MILR1: variants seen among roughly 807,000 people sequenced by gnomAD.
MILR1 encodes allergin-1.
Under a neutral mutation model 18.5 loss-of-function variants are expected in MILR1, and 31 were observed. The ratio of observed to expected loss-of-function variants is 1.68; its 90% CI spans 1.26 to 2.26. The LOEUF (loss-of-function observed/expected upper bound fraction) is 2.26, where lower values mean the gene tolerates loss of function less well. Among genes scored for constraint, MILR1 ranks in the 30% most tolerant of loss-of-function variants. The pLI is 0.00. For missense variants in MILR1, 257 were observed against 157.4 expected, an observed-to-expected ratio of 1.63 and a Z score of -3.38; for synonymous variants, 85 against 56.2, an observed-to-expected ratio of 1.51 and a Z score of -2.30.
At chr17:64,493,005 A>C in the MILR1 span, 1 of 1,614,170 alleles carries the variant, frequency 6.2e-7, no homozygotes, top group Non-Finnish European at 8.5e-7. Flanking sequence ...GGCAATTAAC[A>C]TAGTGTTCCA....
chr17:64,480,202 A>G, the MILR1 span: 3 of 380,002 alleles, frequency 7.9e-6, no homozygotes, highest in Non-Finnish European at 1.4e-5. Context: ...TTATATATAA[A>G]TTTAGAAGAG....
At chr17:64,472,136 A>G (rs1188177213), downstream of MILR1, among the ~76,000 whole-genome samples, 10 of 152,168 alleles carry the variant, frequency 6.6e-5, no homozygotes, top group African/African-American at 2.4e-4. Flanking sequence ...AAATCATTTA[A>G]TTAGATGAAA....
chr17:64,463,567 C>A (rs2037479455), intron 5 of MILR1, among the ~76,000 whole-genome samples: 1 of 152,286 alleles, frequency 6.6e-6, no homozygotes, highest in Middle Eastern at 3.4e-3. Flanking sequence ...CAATTGAGAA[C>A]CATCTCCAGA....
chr17:64,472,624 G>A (rs1555664815), downstream of MILR1, among the ~76,000 whole-genome samples: 4 of 151,586 alleles, frequency 2.6e-5, no homozygotes, highest in Non-Finnish European at 5.9e-5. Context: ...TCTATGTTTA[G>A]ACACATTTAG....
chr17:64,496,572 G>A, the MILR1 span: 1,118 of 1,613,364 alleles, frequency 6.9e-4, 4 homozygotes, highest in African/African-American at 0.013. Context: ...CCTGGTTTGT[G>A]GTGGAGGGCG....
chr17:64,494,914 C>G, the MILR1 span, among the ~76,000 whole-genome samples: 1 of 152,214 alleles, frequency 6.6e-6, no homozygotes, highest in Non-Finnish European at 1.5e-5. Context: ...TGGCTCACGC[C>G]TGTAATCCCA....
At chr17:64,479,692 A>C in the MILR1 span, among the ~76,000 whole-genome samples, 1 of 152,220 alleles carries the variant, frequency 6.6e-6, no homozygotes, top group Non-Finnish European at 1.5e-5. Flanking sequence ...TAATCCAGGC[A>C]AGAGATATTG....
At chr17:64,496,630 T>C in the MILR1 span, 3 of 1,613,690 alleles carry the variant, frequency 1.9e-6, no homozygotes, top group Non-Finnish European at 2.5e-6. Flanking sequence ...AGGTCCACCA[T>C]TCTGCGGCCA....
chr17:64,472,527 G>A (rs1389158871), downstream of MILR1, among the ~76,000 whole-genome samples: 1 of 135,800 alleles, frequency 7.4e-6, no homozygotes, highest in African/African-American at 2.8e-5. Context: ...ACCATGATGT[G>A]TTGCATAATA....
chr17:64,492,798 G>T, the MILR1 span: 1 of 1,596,840 alleles, frequency 6.3e-7, no homozygotes, highest in Non-Finnish European at 8.6e-7. Context: ...GTATCAGGAA[G>T]TTAGCTTATC....
the MILR1 span, among the ~76,000 whole-genome samples, chr17:64,476,612 T>C: frequency 6.6e-6 from 1 of 152,284 alleles, no homozygotes; most frequent in Admixed American, 6.5e-5. Context: ...TGATTGTTGT[T>C]GGTGCTAGAT....
the MILR1 span, among the ~76,000 whole-genome samples, chr17:64,493,698 G>A: frequency 6.6e-6 from 1 of 152,092 alleles, no homozygotes; most frequent in Non-Finnish European, 1.5e-5. Context: ...GTGTTAGCCA[G>A]GTTGGTCTCG....
the MILR1 span, chr17:64,477,716 A>C: frequency 3.3e-6 from 4 of 1,195,192 alleles, no homozygotes; most frequent in Non-Finnish European, 4.5e-6. Flanking sequence ...GAAAGCAAGC[A>C]CCACAAATGT....
rs202053813 is a variant in MILR1, at chr17:64,459,992, TTTTATTTATTTA to T, written c.653-786_653-775del. 9.8e-3 allele frequency among the ~76,000 whole-genome samples: 1,234 copies of T among 125,338 alleles called. 13 individuals are homozygous for T. Among genetic ancestry groups the T allele is most frequent in the African/African-American group, 0.027 (893 of 32,688 alleles). 82.2% of individuals were successfully genotyped at this position (125,338 alleles called of 152,430 possible). A position where few individuals can be genotyped will look rare whatever the true frequency, so the allele number is the denominator to read the frequency against. ...ACTTTATTATTTTTATTTTATTTTA[TTTTATTTATTTA>T]TTTATTTATTTATTTATTTATTTAT... On this transcript the variant is annotated intron_variant, in intron 4 of 9. Coordinates refer to ENST00000619286, the MANE Select transcript of MILR1 (RefSeq NM_001085423.2).
chr17:64,451,542 T>G (rs1015295247), intron 2 of MILR1, among the ~76,000 whole-genome samples: 3 of 152,296 alleles, frequency 2.0e-5, no homozygotes, highest in Middle Eastern at 3.4e-3. Context: ...GAGCATCTTT[T>G]TCATGTTTAC....
At chr17:64,462,603 T>A (rs1197872343) in intron 5 of MILR1, among the ~76,000 whole-genome samples, 1 of 151,974 alleles carries the variant, frequency 6.6e-6, no homozygotes, top group Non-Finnish European at 1.5e-5. Context: ...CATAAGTAAT[T>A]GCAATTTTTG....
At chr17:64,493,222 C>CA in the MILR1 span, among the ~76,000 whole-genome samples, 2 of 152,030 alleles carry the variant, frequency 1.3e-5, no homozygotes, top group Non-Finnish European at 2.9e-5. Context: ...GTTCTGAGAC[C>CA]AGACTGGGCA....
chr17:64,481,201 C>A, the MILR1 span: 14 of 836,984 alleles, frequency 1.7e-5, no homozygotes, highest in South Asian at 6.6e-4. Flanking sequence ...CTACAGCATC[C>A]TAGGAGCTTC....
intron 4 of MILR1, among the ~76,000 whole-genome samples, chr17:64,459,518 C>A (rs1260443543): frequency 1.3e-5 from 2 of 152,154 alleles, no homozygotes; most frequent in African/African-American, 4.8e-5. Context: ...GACCACTTCA[C>A]CCAGCCAGGT....
Sources: allele counts gnomAD v4.1 joint callset (sites outside exome capture counted in the v4.1 genomes callset), GRCh38; gene constraint gnomAD v4.1.1; transcripts MANE v1.5; gene names NCBI Gene and HGNC (gene_info 2026-07-23, HGNC 2026-07-21).